The following HSPA4 variants were observed in gnomAD, a reference collection of about 807,000 sequenced individuals.
HSPA4 encodes heat shock 70 kDa protein 4.
A neutral mutation model predicts 106.2 loss-of-function variants in HSPA4; 25 were observed. That is an observed-to-expected ratio of 0.24 (90% CI 0.17 to 0.33). The LOEUF is 0.33. Among genes scored for constraint, HSPA4 ranks in the 10% least tolerant of loss-of-function variants. The pLI, the probability that HSPA4 is intolerant of heterozygous loss-of-function variation, is 1.00. For synonymous variants in HSPA4, 332 were observed against 333.6 expected, an observed-to-expected ratio of 1.00 and a Z score of 0.05; for missense variants, 841 against 996.0, an observed-to-expected ratio of 0.84 and a Z score of 2.10.
chr5:133,069,416 A>G (rs575186461), intron 3 of HSPA4, among the ~76,000 whole-genome samples: 2 of 152,022 alleles, frequency 1.3e-5, no homozygotes, highest in South Asian at 4.2e-4. Context: ...TGCCCAGCTA[A>G]TTTTTTGTGT....
chr5:133,103,973 A>C lies in HSPA4; in HGVS notation c.2266A>C (p.Ser756Arg). The part of the protein sequence containing the change: ...NNKLNLQNKQ[S>R]LTMDPVVKSK... ...CAAGCTAAATCTGCAGAACAAGCAG[A>C]GTTTGACCATGGATCCAGTTGTCAA... The change falls in exon 18 of 19, where the codon AGT becomes CGT. Residue 756 changes from serine (S) to arginine (R), a missense_variant. By Grantham distance (110) the Ser-to-Arg change is moderately radical. This residue lies in a region of HSPA4 where 328 missense variants were observed against 372.2 expected (regional missense o/e 0.88). Coordinates refer to ENST00000304858, the MANE Select transcript of HSPA4 (RefSeq NM_002154.4). 6.2e-7 allele frequency: 1 copy of C among 1,614,040 alleles called. No homozygotes were observed. Among genetic ancestry groups the C allele is most frequent in the East Asian group, 2.2e-5 (1 of 44,870 alleles).
At chr5:133,091,620 C>G (rs1430999236) in intron 12 of HSPA4, among the ~76,000 whole-genome samples, 1 of 152,134 alleles carries the variant, frequency 6.6e-6, no homozygotes, top group Admixed American at 6.6e-5. Context: ...TGAGTTATTC[C>G]TGATTCTGGT....
chr5:133,093,819 G>A (rs1765679747), intron 13 of HSPA4, among the ~76,000 whole-genome samples: 1 of 152,052 alleles, frequency 6.6e-6, no homozygotes, highest in Non-Finnish European at 1.5e-5. Flanking sequence ...ATGGGGCCTG[G>A]TTCAGTGGTT....
chr5:133,077,192 T>A, intron 7 of HSPA4, among the ~76,000 whole-genome samples: 1 of 152,208 alleles, frequency 6.6e-6, no homozygotes, highest in East Asian at 1.9e-4. Flanking sequence ...GGCAAAGGGC[T>A]GTAATGCAGA....
rs1298803232 is a variant in HSPA4 at position 133,106,368 on chromosome 5, G to A, written c.*1932G>A. On this transcript the variant is annotated 3_prime_UTR_variant, in exon 19 of 19. Coordinates refer to ENST00000304858, the MANE Select transcript of HSPA4 (RefSeq NM_002154.4). ...CTGATTTGTTAAAGCTCCAGGTCACGTTCTTACACTAAGAAAATCATTCAG... is the reference window on the plus strand; with the variant it reads ...CTGATTTGTTAAAGCTCCAGGTCACATTCTTACACTAAGAAAATCATTCAG... 2 of 151,536 alleles carry A rather than the reference G, an allele frequency of 1.3e-5. No individual in the cohort carries two copies. The highest frequency in any genetic ancestry group is 1.9e-4 in the East Asian group (1 of 5,166). The allele number at this position is 151,536 out of a possible 1,614,324, so 9.4% of individuals were successfully genotyped here.
At chr5:133,072,778 C>G (rs956659685) in intron 4 of HSPA4, among the ~76,000 whole-genome samples, 5 of 152,048 alleles carry the variant, frequency 3.3e-5, no homozygotes, top group Non-Finnish European at 5.9e-5. Context: ...TTCCAACTCC[C>G]AGAAGGAAAG....
chr5:133,086,297 C>T (rs966644861), intron 7 of HSPA4, among the ~76,000 whole-genome samples: 4 of 152,266 alleles, frequency 2.6e-5, no homozygotes, highest in African/African-American at 2.4e-5. Flanking sequence ...CATTGGTAGC[C>T]GCTCGTCTCC....
intron 7 of HSPA4, among the ~76,000 whole-genome samples, chr5:133,083,206 G>T (rs1278794882): frequency 6.6e-6 from 1 of 151,534 alleles, no homozygotes; most frequent in South Asian, 2.1e-4. Context: ...CAGCTACTCC[G>T]GAGGCTGAGG....
At chr5:133,069,633 A>G (rs905386718) in intron 3 of HSPA4, among the ~76,000 whole-genome samples, 17 of 152,228 alleles carry the variant, frequency 1.1e-4, no homozygotes, top group Admixed American at 9.8e-4. Context: ...GAACAATCAG[A>G]CAAATGCATG....
chr5:133,068,682 A>G (rs1036787597), intron 3 of HSPA4, among the ~76,000 whole-genome samples: 4 of 152,228 alleles, frequency 2.6e-5, no homozygotes, highest in Non-Finnish European at 5.9e-5. Context: ...TGAATGGGAT[A>G]GTAAAAGATG....
At chr5:133,060,068 C>CTTTTTTTTT (rs370182052) in intron 1 of HSPA4, among the ~76,000 whole-genome samples, 35 of 146,070 alleles carry the variant, frequency 2.4e-4, no homozygotes, top group Admixed American at 1.8e-3. Context: ...ATCAGTTTTA[C>CTTTTTTTTT]TTTTTTTTTT....
chr5:133,057,170 A>G (rs559051231), intron 1 of HSPA4, among the ~76,000 whole-genome samples: 1 of 152,288 alleles, frequency 6.6e-6, no homozygotes, highest in South Asian at 2.1e-4. Flanking sequence ...GGTACTTTCT[A>G]GTCCATGGCT....
chr5:133,090,883 A>T (rs1330515004), intron 11 of HSPA4, among the ~76,000 whole-genome samples: 1 of 152,182 alleles, frequency 6.6e-6, no homozygotes, highest in African/African-American at 2.4e-5. Flanking sequence ...GAATGTGACA[A>T]ATCTGTTTTA....
intron 11 of HSPA4, among the ~76,000 whole-genome samples, chr5:133,090,564 G>T (rs908619965): frequency 6.6e-6 from 1 of 151,922 alleles, no homozygotes; most frequent in African/African-American, 2.4e-5. Context: ...CTCTTATCTG[G>T]AAATAATACT....
intron 1 of HSPA4, among the ~76,000 whole-genome samples, chr5:133,055,244 A>G (rs1263264066): frequency 1.6e-4 from 23 of 144,526 alleles, no homozygotes; most frequent in Non-Finnish European, 1.5e-5. Flanking sequence ...TATGATTTTG[A>G]TTCACTTTGA....
chr5:133,064,060 T>G (rs1765278401), intron 1 of HSPA4, among the ~76,000 whole-genome samples: 1 of 152,208 alleles, frequency 6.6e-6, no homozygotes, highest in Admixed American at 6.5e-5. Flanking sequence ...CTGCACTTTT[T>G]AAGCGTAAGC....
chr5:133,064,027 G>T (rs1415733618), intron 1 of HSPA4, among the ~76,000 whole-genome samples: 1 of 152,232 alleles, frequency 6.6e-6, no homozygotes, highest in Admixed American at 6.5e-5. Context: ...CCGCCAAAGT[G>T]CTGGGATTAC....
chr5:133,094,980 T>G (rs1441589126), intron 13 of HSPA4, among the ~76,000 whole-genome samples: 1 of 152,152 alleles, frequency 6.6e-6, no homozygotes, highest in East Asian at 1.9e-4. Flanking sequence ...ATGGATAGAT[T>G]TGACAGTCAA....
rs779570665 is a variant in HSPA4, at chr5:133,052,291, A to G, written c.41A>G (p.Tyr14Cys). 6 of 1,597,402 alleles carry G rather than the reference A, an allele frequency of 3.8e-6. No individual in the cohort carries two copies. Among genetic ancestry groups the G allele is most frequent in the East Asian group, 2.3e-5 (1 of 44,242 alleles). The part of the protein sequence containing the change: ...VGIDLGFQSC[Y>C]VAVARAGGIE... ...ATAGACCTGGGCTTCCAGAGCTGCT[A>G]CGTCGCTGTGGCCCGCGCCGGCGGC... The change falls in exon 1 of 19, where the codon TAC (tyrosine) becomes TGC (cysteine). Residue 14 changes from tyrosine (Y) to cysteine (C), a missense_variant. This residue lies in a region of HSPA4 where 347 missense variants were observed against 408.7 expected (regional missense o/e 0.85). Transcript: ENST00000304858.
Sources: allele counts gnomAD v4.1 joint callset (sites outside exome capture counted in the v4.1 genomes callset), GRCh38; gene constraint gnomAD v4.1.1; regional missense constraint gnomAD v4.1.1; transcripts MANE v1.5; gene names NCBI Gene and HGNC (gene_info 2026-07-23, HGNC 2026-07-21).